Variants in OAS3 observed in about 807,000 individuals in gnomAD.
OAS3 encodes 2'-5'-oligoadenylate synthase 3.
In OAS3, 107 loss-of-function variants were observed where a neutral mutation model predicts 113.0. The observed-to-expected ratio is 0.95, with a 90% CI of 0.81 to 1.11. The LOEUF is 1.11. Ranked by LOEUF, OAS3 falls within the 50% of genes most tolerant of loss-of-function variation. The pLI, the probability that OAS3 is intolerant of heterozygous loss-of-function variation, is 0.00. For synonymous variants in OAS3, 552 were observed against 573.6 expected (o/e 0.96, Z 0.54); for missense variants, 1,258 against 1,389.1 (o/e 0.91, Z 1.50).
At position 112,948,502 on chromosome 12, in the gene OAS3, C is replaced by CAAAAAAAAAAAAAAAAAAA. The variant is rs35812521; in HGVS notation, c.1030-357_1030-339dup. Among the ~76,000 whole-genome samples the CAAAAAAAAAAAAAAAAAAA allele has an allele frequency of 2.0e-5, 2 of 99,488 alleles. 1 individual carries two copies. The highest frequency in any genetic ancestry group is 8.0e-5 in the African/African-American group (2 of 25,134). The allele number at this position is 99,488 out of a possible 152,430, so 65.3% of individuals were successfully genotyped here. On this transcript the variant is annotated intron_variant, in intron 5 of 15. Transcript: ENST00000228928. ...TGGGTGACAGAGTAAGACTCCGTCCCAAAAAAAAAAAAAAAAAAAATGCAC... is the reference window on the plus strand; with the variant it reads ...TGGGTGACAGAGTAAGACTCCGTCCCAAAAAAAAAAAAAAAAAAAAAAAAAAAAAAAAAAAAAAATGCAC...
At position 112,938,664 on chromosome 12, in the gene OAS3, G is replaced by C; in HGVS notation, c.134G>C (p.Gly45Ala). The change falls in exon 1 of 16, where the codon GGC becomes GCC. Residue 45 changes from glycine (G) to alanine (A), a missense_variant. Transcript: ENST00000228928. ...GCCGCTGCCCTGAGGGAGCGCGGGGGCCGCCTCGGTGCTGCTGCCCCGCGG... is the reference window on the plus strand; with the variant it reads ...GCCGCTGCCCTGAGGGAGCGCGGGGCCCGCCTCGGTGCTGCTGCCCCGCGG... ...ALAAALRERG[G>A]RLGAAAPRVL... 6.3e-7 allele frequency: 1 copy of C among 1,590,490 alleles called. No individual in the cohort carries two copies. The highest frequency in any genetic ancestry group is 8.5e-7 in the Non-Finnish European group (1 of 1,170,212).
intron 7 of OAS3, among the ~76,000 whole-genome samples, chr12:112,951,839 CA>C (rs3038125): frequency 0.18 from 19,379 of 105,066 alleles, 952 homozygotes; most frequent in Admixed American, 0.22. Context: ...ACTAAAAATA[CA>C]AAAAAAAAAA....
At chr12:112,965,715 G>A in intron 11 of OAS3, 29 bp from the exon 12 acceptor site, 1 of 1,588,214 alleles carries the variant, frequency 6.3e-7, no homozygotes. Flanking sequence ...ATGCTTCAAG[G>A]GTTGAGCCAC....
chr12:112,947,085 G>A lies in OAS3; in HGVS notation c.875+104G>A, dbSNP rs1026993490. ...ATCTACTGAGTGCTTGGGTATAGAG[G>A]CCAAAGCAAAATGCTACATGTACAT... On this transcript the variant is annotated intron_variant, in intron 4 of 15. Transcript: ENST00000228928. The A allele has an allele frequency of 9.2e-6, 8 of 869,962 alleles. No individual in the cohort carries two copies. In the African/African-American group the frequency reaches 1.0e-4, roughly 11 times the overall value. The allele number at this position is 869,962 out of a possible 1,614,324, so 53.9% of individuals were successfully genotyped here. A position where few individuals can be genotyped will look rare whatever the true frequency, so the allele number is the denominator to read the frequency against.
In OAS3 at chr12:112,962,756, G is replaced by A; in HGVS notation, c.1938G>A (p.Gln646=). The change falls in exon 9 of 16, where the codon CAG becomes CAA. Residue 646 remains glutamine (Q), a synonymous_variant. Transcript: ENST00000228928. ...TTGCCTGGGAGCAGGGCTGCAGGCA[G>A]GATTGTTTCAACATGGCCCAAGGCT... ...TIFAWEQGCR[Q]DCFNMAQGFR... The A allele has an allele frequency of 6.2e-7, 1 of 1,614,014 alleles. No individual in the cohort carries two copies. The highest frequency in any genetic ancestry group is 1.7e-5 in the Admixed American group (1 of 60,028).
rs2043914050 is a variant in OAS3, at chr12:112,964,256, C to T, written c.2251C>T (p.Pro751Ser). 2 of 1,595,846 alleles carry T rather than the reference C, an allele frequency of 1.3e-6. No homozygotes were observed. The highest frequency in any genetic ancestry group is 1.1e-5 in the South Asian group (1 of 87,556). The part of the protein sequence containing the change: ...DVMPALLYQT[P>S]AGDLDKFISE... The stretch of plus-strand genomic sequence containing the variant: ...GCAGCCAGCCCTCCTTTACCAAACC[C>T]CAGCTGGGGACCTTGACAAGTTCAT... The change falls in exon 11 of 16, where the codon CCA becomes TCA. Residue 751 changes from proline to serine, a missense_variant. Physicochemically the swap from Pro to Ser is moderately conservative, Grantham distance 74 (BLOSUM62 -1). Transcript: ENST00000228928.
At position 112,963,468 on chromosome 12, in the gene OAS3, G is replaced by C; in HGVS notation, c.2229+11G>C. On this transcript the variant is annotated intron_variant, in intron 10 of 15. Transcript: ENST00000228928. The surrounding 1 kb of genome is among the most constrained non-coding windows in gnomAD (Gnocchi z 4.6). ...CCCTGGGATGTGATGGTAAGATGGA[G>C]GGTCCTGGGGGGCAGGGGGCCCTGC... 1 of 1,518,056 alleles carries C rather than the reference G, an allele frequency of 6.6e-7. No homozygotes were observed. The highest frequency in any genetic ancestry group is 8.9e-7 in the Non-Finnish European group (1 of 1,127,072). 94.0% of individuals were successfully genotyped at this position (1,518,056 alleles called of 1,614,324 possible).
At position 112,938,497 on chromosome 12, in the gene OAS3, G is replaced by C; in HGVS notation, c.-34G>C. On this transcript the variant is annotated 5_prime_UTR_variant, in exon 1 of 16. Transcript: ENST00000228928. ...CCAGAAATCCGAAGGCCGCGCCAGA[G>C]CCCTGCTTCCCCTTGCACCTGCGCC... is the stretch of plus-strand genomic sequence containing the variant. The C allele has an allele frequency of 6.5e-7, 1 of 1,527,276 alleles. No individual in the cohort carries two copies. The highest frequency in any genetic ancestry group is 8.8e-7 in the Non-Finnish European group (1 of 1,140,648). 94.6% of individuals were successfully genotyped at this position (1,527,276 alleles called of 1,614,324 possible).
At position 112,968,041 on chromosome 12, in the gene OAS3, A is replaced by G. The variant is rs986830399; in HGVS notation, c.2971A>G (p.Met991Val). 3.7e-6 allele frequency: 6 copies of G among 1,613,878 alleles called. No individual in the cohort carries two copies. Among genetic ancestry groups the G allele is most frequent in the Non-Finnish European group, 5.1e-6 (6 of 1,179,904 alleles). ...GGGCGGGAAGGACTCCCAGTTCAAC[A>G]TGGCTGAGGGCTTCCGCACGGTCCT... Reference protein sequence around the residue: ...EQGGKDSQFNMAEGFRTVLEL... With the variant: ...EQGGKDSQFNVAEGFRTVLEL... The change falls in exon 14 of 16, where the codon ATG becomes GTG. Residue 991 changes from methionine (M) to valine (V), a missense_variant. Transcript: ENST00000228928.
At chr12:112,951,207 G>A (rs1002920285) in intron 7 of OAS3, among the ~76,000 whole-genome samples, 6 of 152,080 alleles carry the variant, frequency 3.9e-5, no homozygotes, top group Non-Finnish European at 7.4e-5. Context: ...AACTACAGAC[G>A]TCACACACCC....
At chr12:112,955,454 G>C (rs999398452) in intron 7 of OAS3, among the ~76,000 whole-genome samples, 2 of 152,150 alleles carry the variant, frequency 1.3e-5, no homozygotes, top group Non-Finnish European at 1.5e-5. Flanking sequence ...TATTGGCTGT[G>C]GGTTTGTCAT....
chr12:112,946,311 G>A (rs1259313565), intron 3 of OAS3, among the ~76,000 whole-genome samples: 1 of 152,154 alleles, frequency 6.6e-6, no homozygotes, highest in Non-Finnish European at 1.5e-5. Flanking sequence ...ATGGGGGATA[G>A]ACGGCTGGAG....
At chr12:112,961,378 C>A in intron 8 of OAS3, 132 bp downstream of exon 8, 1 of 761,922 alleles carries the variant, frequency 1.3e-6, no homozygotes, top group East Asian at 2.7e-5. Context: ...AAGGACCGGC[C>A]TCCTCCATCC....
chr12:112,939,502 G>A (rs2043660767), intron 1 of OAS3, among the ~76,000 whole-genome samples: 1 of 151,906 alleles, frequency 6.6e-6, no homozygotes, highest in Non-Finnish European at 1.5e-5. Context: ...TGCATTTTTT[G>A]TAGAGATAGA....
chr12:112,948,028 G>C lies in OAS3; in HGVS notation c.958G>C (p.Ala320Pro). Reference protein sequence around the residue: ...AWHWDLLAQEAASCYDHPCFL... With the variant: ...AWHWDLLAQEPASCYDHPCFL... ...GCACTGGGATTTGCTAGCCCAGGAG[G>C]CAGCATCCTGCTATGACCACCCATG... is the stretch of plus-strand genomic sequence containing the variant. Residue 320 changes from alanine (A) to proline (P), a missense_variant, in exon 5 of 16, where the codon GCA becomes CCA. By Grantham distance (27) the Ala-to-Pro change is conservative (BLOSUM62 -1). Transcript: ENST00000228928. The C allele has an allele frequency of 6.2e-7, 1 of 1,600,664 alleles. No homozygotes were observed. Among genetic ancestry groups the C allele is most frequent in the Non-Finnish European group, 8.5e-7 (1 of 1,173,316 alleles).
rs550945075 is a variant in OAS3, at chr12:112,965,976, C to T, written c.2636C>T (p.Thr879Met). The change falls in exon 12 of 16, where the codon ACG (threonine) becomes ATG (methionine). Residue 879 changes from threonine to methionine, a missense_variant. Coordinates refer to ENST00000228928, the MANE Select transcript of OAS3 (RefSeq NM_006187.4). ...CTGAGCTTCTCACTGACATCCCAGA[C>T]GATGCTGGACCAGAGTGTGGACTTT... The part of the protein sequence containing the change: ...RVLSFSLTSQ[T>M]MLDQSVDFDV... 41 of 1,614,062 alleles carry T rather than the reference C, an allele frequency of 2.5e-5. No homozygotes were observed. Among genetic ancestry groups the T allele is most frequent in the South Asian group, 5.5e-5 (5 of 91,078 alleles).
At chr12:112,968,367 C>T (rs766057984) in intron 14 of OAS3, among the ~76,000 whole-genome samples, 193 bp downstream of exon 14, 6 of 152,136 alleles carry the variant, frequency 3.9e-5, no homozygotes, top group East Asian at 1.9e-4. Context: ...CCAGATAAAA[C>T]GCAAGACCCC....
At chr12:112,942,137 C>T in intron 2 of OAS3, 1 of 573,490 alleles carries the variant, frequency 1.7e-6, no homozygotes, top group East Asian at 2.8e-5. Flanking sequence ...ACTGCTCAGC[C>T]CTTCCACAAA....
intron 3 of OAS3, chr12:112,945,447 T>C (rs1398113056): frequency 2.0e-5 from 3 of 153,656 alleles, no homozygotes; most frequent in Non-Finnish European, 4.3e-5. Flanking sequence ...CTGTCTGGTA[T>C]GGTATGAGGT....
Sources: allele counts gnomAD v4.1 joint callset (sites outside exome capture counted in the v4.1 genomes callset), GRCh38; gene constraint gnomAD v4.1.1; non-coding constraint Gnocchi (gnomAD v3.1); transcripts MANE v1.5; gene names NCBI Gene and HGNC (gene_info 2026-07-23, HGNC 2026-07-21).